MCTP1: variants seen among roughly 807,000 people sequenced by gnomAD.
MCTP1 encodes multiple C2 and transmembrane domain-containing protein 1.
Under a neutral mutation model 120.6 loss-of-function variants are expected in MCTP1, and 69 were observed. The ratio of observed to expected loss-of-function variants is 0.57; its 90% CI spans 0.47 to 0.70. The LOEUF (loss-of-function observed/expected upper bound fraction) is 0.70, where lower values mean the gene tolerates loss of function less well. MCTP1 is among the 30% of genes least tolerant of loss of function. MCTP1 has a pLI of 0.00. For missense variants in MCTP1, 1,203 were observed against 1,248.8 expected (o/e 0.96, Z 0.55); for synonymous variants, 529 against 493.1 (o/e 1.07, Z -0.96).
At chr5:94,726,426 G>A (rs970749630) in intron 19 of MCTP1, among the ~76,000 whole-genome samples, 3 of 152,126 alleles carry the variant, frequency 2.0e-5, no homozygotes, top group Admixed American at 6.5e-5. Flanking sequence ...CTGAATCAGC[G>A]CCAGAGTTAT....
Position 95,255,041 on chromosome 5 carries a change from A to G in MCTP1, c.720+28815T>C, listed in dbSNP as rs993607987. Reference sequence around the variant, plus strand: ...TCAGGGTTTTCTTGTACATGTGTGTATGTATATGTGTGTACAGAATCTGAT... The same window carrying G: ...TCAGGGTTTTCTTGTACATGTGTGTGTGTATATGTGTGTACAGAATCTGAT... On this transcript the variant is annotated intron_variant, in intron 1 of 22. Coordinates refer to ENST00000515393, the MANE Select transcript of MCTP1 (RefSeq NM_024717.7). 2.6e-5 allele frequency among the ~76,000 whole-genome samples: 4 copies of G among 152,158 alleles called. No homozygotes were observed. The East Asian group carries it at 5.8e-4, about 22-fold the overall frequency.
intron 2 of MCTP1, among the ~76,000 whole-genome samples, chr5:94,972,722 C>G (rs114694351): frequency 6.6e-6 from 1 of 152,224 alleles, no homozygotes; most frequent in Admixed American, 6.5e-5. Flanking sequence ...AATTAAGAAA[C>G]AACTTTTCAA....
At chr5:95,090,263 G>A (rs1467278928) in intron 1 of MCTP1, among the ~76,000 whole-genome samples, 2 of 152,134 alleles carry the variant, frequency 1.3e-5, no homozygotes, top group African/African-American at 4.8e-5. Context: ...ATAAAGCATA[G>A]TTTTTAAAAT....
intron 1 of MCTP1, among the ~76,000 whole-genome samples, chr5:95,215,118 G>A (rs575640064): frequency 9.2e-5 from 14 of 152,130 alleles, no homozygotes; most frequent in South Asian, 6.2e-4. Context: ...CCATGATCAC[G>A]TCCATCTTGG....
chr5:94,826,060 T>C (rs1786996499), intron 17 of MCTP1: 4 of 313,926 alleles, frequency 1.3e-5, no homozygotes, highest in Admixed American at 7.1e-5. Context: ...GTGGAGAAGA[T>C]ACTTTGAAGG....
chr5:95,088,817 A>G (rs748123523), intron 1 of MCTP1, among the ~76,000 whole-genome samples: 2 of 152,218 alleles, frequency 1.3e-5, no homozygotes, highest in African/African-American at 2.4e-5. Flanking sequence ...ACTGAGGCAA[A>G]GAAAGGTTAA....
rs1218398854 is a variant in MCTP1 at position 95,037,368 on chromosome 5, A to T, written c.721-19884T>A. Among the ~76,000 whole-genome samples the T allele has an allele frequency of 2.6e-5, 4 of 152,216 alleles. No homozygotes were observed. The East Asian group carries it at 7.7e-4, about 29-fold the overall frequency. ...CAACGAGGTGAAAAGTAGGATGCAA[A>T]ACTGCATACATAATATTAACCAGGT... On this transcript the variant is annotated intron_variant, in intron 1 of 22. Coordinates refer to ENST00000515393, the MANE Select transcript of MCTP1 (RefSeq NM_024717.7).
intron 1 of MCTP1, among the ~76,000 whole-genome samples, chr5:95,062,792 C>G (rs570119890): frequency 5.7e-5 from 3 of 52,862 alleles, no homozygotes; most frequent in Admixed American, 3.0e-4. Flanking sequence ...GAACTGATCT[C>G]TGTTTTATTG....
chr5:94,720,322 A>G (rs1016311559), intron 19 of MCTP1, among the ~76,000 whole-genome samples: 1 of 152,100 alleles, frequency 6.6e-6, no homozygotes, highest in African/African-American at 2.4e-5. Flanking sequence ...AAACATGTCA[A>G]AAGTCATAAA....
chr5:95,240,778 A>C (rs772394131), intron 1 of MCTP1, among the ~76,000 whole-genome samples: 6 of 152,126 alleles, frequency 3.9e-5, no homozygotes, highest in Non-Finnish European at 7.4e-5. Flanking sequence ...TTTAGGTTTA[A>C]TCTAAACATT....
chr5:94,829,321 A>G (rs1218909109), intron 17 of MCTP1, among the ~76,000 whole-genome samples: 3 of 152,010 alleles, frequency 2.0e-5, no homozygotes, highest in African/African-American at 7.2e-5. Context: ...AGTCCCAGTG[A>G]GATGAACCGG....
At chr5:94,841,473 T>C (rs990633410) in intron 17 of MCTP1, among the ~76,000 whole-genome samples, 5 of 152,192 alleles carry the variant, frequency 3.3e-5, no homozygotes, top group Non-Finnish European at 5.9e-5. Flanking sequence ...TGGAATTATA[T>C]TCAGAATAGA....
At chr5:95,211,887 T>G (rs1361187624) in intron 1 of MCTP1, among the ~76,000 whole-genome samples, 1 of 152,154 alleles carries the variant, frequency 6.6e-6, no homozygotes, top group East Asian at 1.9e-4. Flanking sequence ...TAGTTTTCCT[T>G]CTGACAGACA....
chr5:94,862,321 T>C (rs938611972), intron 17 of MCTP1, among the ~76,000 whole-genome samples: 13 of 151,496 alleles, frequency 8.6e-5, no homozygotes, highest in Non-Finnish European at 4.4e-5. Context: ...TTTCAGAGAG[T>C]AGCAGACCCT....
chr5:95,090,022 G>A (rs1405853934), intron 1 of MCTP1, among the ~76,000 whole-genome samples: 1 of 152,244 alleles, frequency 6.6e-6, no homozygotes, highest in Non-Finnish European at 1.5e-5. Flanking sequence ...TCCATCTTCA[G>A]GTCTCTTCTC....
chr5:94,953,896 TATATATATGC>T, intron 2 of MCTP1, among the ~76,000 whole-genome samples: 1 of 60,554 alleles, frequency 1.7e-5, no homozygotes, highest in Admixed American at 2.0e-4. Flanking sequence ...TATATACAAA[TATATATATGC>T]ATATATATAC....
chr5:95,112,052 AAAGAAGTGCACAC>A (rs1416715436), intron 1 of MCTP1, among the ~76,000 whole-genome samples: 1 of 152,202 alleles, frequency 6.6e-6, no homozygotes, highest in Non-Finnish European at 1.5e-5. Context: ...AAATATTTTA[AAAGAAGTGCACAC>A]ACGCTATATA....
chr5:94,947,699 C>T (rs1411756923), intron 3 of MCTP1, among the ~76,000 whole-genome samples: 2 of 148,662 alleles, frequency 1.3e-5, no homozygotes, highest in African/African-American at 2.5e-5. Context: ...TGCACTACAC[C>T]TTAAACTACT....
At chr5:95,098,520 A>C (rs1756453184) in intron 1 of MCTP1, among the ~76,000 whole-genome samples, 2 of 152,108 alleles carry the variant, frequency 1.3e-5, no homozygotes, top group Non-Finnish European at 2.9e-5. Context: ...TCCCATTCAC[A>C]ATTGCTTCAA....
Sources: allele counts gnomAD v4.1 joint callset (sites outside exome capture counted in the v4.1 genomes callset), GRCh38; gene constraint gnomAD v4.1.1; transcripts MANE v1.5; gene names NCBI Gene and HGNC (gene_info 2026-07-23, HGNC 2026-07-21).